Variants in BCO1 observed in about 807,000 individuals in gnomAD.
BCO1 encodes the protein beta,beta-carotene 15,15'-dioxygenase.
In BCO1, 54 loss-of-function variants were observed where a neutral mutation model predicts 56.3. That is an observed-to-expected ratio of 0.96 (90% CI 0.77 to 1.20). BCO1 has a LOEUF of 1.20. Among genes scored for constraint, BCO1 ranks in the 50% most tolerant of loss-of-function variants. The probability of loss-of-function intolerance (pLI) is 0.00; values close to 1 mark genes in which losing one functional copy is unlikely to be tolerated. For missense variants in BCO1, 801 were observed against 690.9 expected (o/e 1.16, Z -1.79); for synonymous variants, 318 against 266.1 (o/e 1.20, Z -1.90).
chr16:81,277,065 CAAAAAAAAA>C (rs34671497), intron 7 of BCO1, among the ~76,000 whole-genome samples: 2 of 95,376 alleles, frequency 2.1e-5, no homozygotes, highest in African/African-American at 4.2e-5. Context: ...GACTCGGTCT[CAAAAAAAAA>C]AAAAAAAAAA....
chr16:81,269,236 C>G (rs1907033261), intron 6 of BCO1, among the ~76,000 whole-genome samples: 1 of 151,748 alleles, frequency 6.6e-6, no homozygotes, highest in African/African-American at 2.4e-5. Flanking sequence ...CTGAAGGGAG[C>G]CACTGCTACC....
chr16:81,273,686 T>A (rs1388024684), intron 7 of BCO1, among the ~76,000 whole-genome samples: 1 of 151,904 alleles, frequency 6.6e-6, no homozygotes, highest in Non-Finnish European at 1.5e-5. Flanking sequence ...TTAGCTCATT[T>A]GAAAGGAAAC....
chr16:81,290,142 C>T (rs1366775368), intron 10 of BCO1, among the ~76,000 whole-genome samples: 18 of 152,134 alleles, frequency 1.2e-4, no homozygotes, highest in African/African-American at 3.4e-4. Context: ...GGATTACAGG[C>T]GTGAGCCACC....
intron 10 of BCO1, 39 bp from the exon 11 acceptor site, chr16:81,290,309 T>G (rs907323895): frequency 6.5e-7 from 1 of 1,535,066 alleles, no homozygotes; most frequent in Admixed American, 1.7e-5. Context: ...GACTGAAGCC[T>G]GCACTTTTAC....
At chr16:81,283,306 G>A (rs949093841) in intron 8 of BCO1, among the ~76,000 whole-genome samples, 1 of 151,796 alleles carries the variant, frequency 6.6e-6, no homozygotes, top group Non-Finnish European at 1.5e-5. Context: ...CAGGCGCAAT[G>A]GCAATTACAG....
intron 5 of BCO1, 128 bp from the exon 6 acceptor site, chr16:81,267,780 C>G: frequency 3.9e-6 from 3 of 777,234 alleles, no homozygotes; most frequent in Non-Finnish European, 6.6e-6. Context: ...TGTTGTCTGT[C>G]TACACGTTGC....
At chr16:81,241,782 G>A (rs902442405) in intron 1 of BCO1, among the ~76,000 whole-genome samples, 2 of 152,198 alleles carry the variant, frequency 1.3e-5, no homozygotes, top group African/African-American at 4.8e-5. Flanking sequence ...ATCAGTTGGT[G>A]ACATCCATGG....
chr16:81,243,632 C>T (rs1905237529), intron 1 of BCO1, among the ~76,000 whole-genome samples: 1 of 152,138 alleles, frequency 6.6e-6, no homozygotes, highest in Admixed American at 6.6e-5. Context: ...TCACACCTGG[C>T]TAATTTTTGT....
intron 2 of BCO1, among the ~76,000 whole-genome samples, chr16:81,253,064 G>A (rs936834969): frequency 2.6e-5 from 4 of 151,986 alleles, no homozygotes; most frequent in Admixed American, 6.6e-5. Flanking sequence ...AGCCGAGATC[G>A]CACTACTGCA....
chr16:81,269,210 C>T (rs910726054), intron 6 of BCO1, among the ~76,000 whole-genome samples: 1 of 151,836 alleles, frequency 6.6e-6, no homozygotes, highest in Non-Finnish European at 1.5e-5. Context: ...CTCCTGCCTC[C>T]CATCCACCCC....
intron 4 of BCO1, chr16:81,263,108 CTT>C (rs71736382): frequency 1.1e-4 from 14 of 127,726 alleles, no homozygotes; most frequent in South Asian, 2.5e-4. Flanking sequence ...AATGTTCTGC[CTT>C]TTTTTTTTTT....
At chr16:81,248,739 C>T (rs529614623) in intron 2 of BCO1, among the ~76,000 whole-genome samples, 12 of 152,124 alleles carry the variant, frequency 7.9e-5, no homozygotes, top group East Asian at 1.9e-4. Context: ...TGGCCGGGCG[C>T]GGTGGCTCAC....
At chr16:81,287,514 G>A (rs957292236) in intron 10 of BCO1, 108 bp downstream of exon 10, 1 of 844,314 alleles carries the variant, frequency 1.2e-6, no homozygotes, top group Non-Finnish European at 2.0e-6. Flanking sequence ...AAAGGGGGTG[G>A]ATTGGTGCTT....
At chr16:81,261,395 T>G (rs1317612885) in intron 3 of BCO1, among the ~76,000 whole-genome samples, 1 of 152,240 alleles carries the variant, frequency 6.6e-6, no homozygotes, top group African/African-American at 2.4e-5. Context: ...CCTTTTTAAA[T>G]TAAAAACTAA....
In BCO1 at chr16:81,262,031, A is replaced by G. The variant is rs1251098723; in HGVS notation, c.324-105A>G. 2.1e-6 allele frequency: 3 copies of G among 1,411,756 alleles called. No individual in the cohort carries two copies. The African/African-American group carries it at 4.2e-5, about 20-fold the overall frequency. 87.5% of individuals were successfully genotyped at this position (1,411,756 alleles called of 1,614,324 possible). On this transcript the variant is annotated intron_variant, in intron 3 of 10. Transcript: ENST00000258168. ...TGCTGGGATTACAGGCACCCGGCCG[A>G]AGTAAAGCATTTTTAAGTGGTAGGA...
chr16:81,251,970 C>T (rs1224546562), intron 2 of BCO1, among the ~76,000 whole-genome samples: 2 of 151,794 alleles, frequency 1.3e-5, no homozygotes, highest in Non-Finnish European at 2.9e-5. Context: ...AGGAGCACGT[C>T]TGTTGGCGTA....
At position 81,268,111 on chromosome 16, in the gene BCO1, G is replaced by T. The variant is rs752658399; in HGVS notation, c.823G>T (p.Ala275Ser). ...IRRMSWASCL[A>S]FHREEKTYIH... Reference sequence around the variant, plus strand: ...GAGAATGAGCTGGGCCTCCTGCCTGGCTTTCCACAGGGAGGAGAAGGTGAG... The same window carrying T: ...GAGAATGAGCTGGGCCTCCTGCCTGTCTTTCCACAGGGAGGAGAAGGTGAG... The change falls in exon 6 of 11, where the codon GCT (alanine) becomes TCT (serine). Residue 275 changes from alanine to serine, a missense_variant. By Grantham distance (99) the Ala-to-Ser change is moderately conservative. Transcript: ENST00000258168. 3 of 1,609,732 alleles carry T rather than the reference G, an allele frequency of 1.9e-6. No homozygotes were observed. Among genetic ancestry groups the T allele is most frequent in the Admixed American group, 1.7e-5 (1 of 60,010 alleles).
chr16:81,256,255 G>T, intron 2 of BCO1, among the ~76,000 whole-genome samples: 1 of 152,220 alleles, frequency 6.6e-6, no homozygotes, highest in South Asian at 2.1e-4. Context: ...GATGCTGGCT[G>T]TTAGTACTAG....
intron 9 of BCO1, among the ~76,000 whole-genome samples, chr16:81,286,798 C>T (rs1030315038): frequency 2.0e-5 from 3 of 147,090 alleles, no homozygotes; most frequent in South Asian, 2.2e-4. Flanking sequence ...GGGAGGAGGC[C>T]GGGCGCGGTG....
Sources: allele counts gnomAD v4.1 joint callset (sites outside exome capture counted in the v4.1 genomes callset), GRCh38; gene constraint gnomAD v4.1.1; transcripts MANE v1.5; gene names NCBI Gene and HGNC (gene_info 2026-07-23, HGNC 2026-07-21).